The following SYCE1L variants were observed in gnomAD, a reference collection of about 807,000 sequenced individuals.
SYCE1L encodes the protein synaptonemal complex central element protein 1-like.
A neutral mutation model predicts 39.6 loss-of-function variants in SYCE1L; 51 were observed. The ratio of observed to expected loss-of-function variants is 1.29; its 90% CI spans 1.03 to 1.63. SYCE1L has a LOEUF of 1.63. Among genes scored for constraint, SYCE1L ranks in the 40% most tolerant of loss-of-function variants. The pLI is 0.00. For synonymous variants in SYCE1L, 147 were observed against 122.4 expected (o/e 1.20, Z -1.33); for missense variants, 426 against 304.9 (o/e 1.40, Z -2.96).
intron 1 of SYCE1L, chr16:77,201,920 G>C (rs2054747653): frequency 6.6e-6 from 1 of 152,168 alleles, no homozygotes; most frequent in Non-Finnish European, 1.5e-5. Context: ...AACAAAAATG[G>C]AGGGGGGTAT....
intron 10 of SYCE1L, 28 bp from the exon 11 acceptor site, chr16:77,212,829 G>C: frequency 6.8e-7 from 1 of 1,460,180 alleles, no homozygotes. Flanking sequence ...TAGGAACCTG[G>C]TCCGCAGCCT....
At chr16:77,208,348 A>G (rs927228782) in intron 3 of SYCE1L, 79 bp downstream of exon 3, 2 of 1,540,516 alleles carry the variant, frequency 1.3e-6, no homozygotes, top group Admixed American at 2.0e-5. Context: ...CTCCTCATCT[A>G]TAAAATCTAG....
chr16:77,205,433 A>AATATATATATATATATATATATAT (rs145238524), intron 1 of SYCE1L, among the ~76,000 whole-genome samples: 2 of 145,262 alleles, frequency 1.4e-5, no homozygotes, highest in Non-Finnish European at 3.0e-5. Flanking sequence ...CATAGAAGTA[A>AATATATATATATATATATATATAT]ATATATATAT....
chr16:77,206,524 G>A, intron 2 of SYCE1L, 24 bp downstream of exon 2: 1 of 1,551,306 alleles, frequency 6.4e-7, no homozygotes, highest in Non-Finnish European at 8.7e-7. Context: ...TTGTTTCTGA[G>A]CCTCAGCCTG....
At chr16:77,202,137 G>A (rs891763930) in intron 1 of SYCE1L, 4 of 152,164 alleles carry the variant, frequency 2.6e-5, no homozygotes, top group Admixed American at 1.3e-4. Flanking sequence ...AATGGCACCT[G>A]AGGATCCTAT....
chr16:77,210,136 C>A (rs1342939041), intron 6 of SYCE1L, among the ~76,000 whole-genome samples: 1 of 152,224 alleles, frequency 6.6e-6, no homozygotes, highest in Non-Finnish European at 1.5e-5. Context: ...GTCTATCCAA[C>A]CTGTATCCAT....
chr16:77,202,306 TCTGATATAAGGACAAAATGGGAG>T (rs1567424133), intron 1 of SYCE1L: 1 of 152,158 alleles, frequency 6.6e-6, no homozygotes, highest in Non-Finnish European at 1.5e-5. Context: ...AAATGGGAAA[TCTGATATAAGGACAAAATGGGAG>T]CACTGTGGCC....
At chr16:77,201,606 G>A (rs1211573222) in intron 1 of SYCE1L, 2 of 152,164 alleles carry the variant, frequency 1.3e-5, no homozygotes, top group African/African-American at 4.8e-5. Flanking sequence ...ACCATGCGAT[G>A]TAATCAAAGG....
At chr16:77,207,200 C>T (rs1334992046) in intron 2 of SYCE1L, among the ~76,000 whole-genome samples, 1 of 152,176 alleles carries the variant, frequency 6.6e-6, no homozygotes, top group African/African-American at 2.4e-5. Flanking sequence ...TAATCAGCAC[C>T]GTGGAGAGCA....
chr16:77,210,762 C>T (rs1454982566), intron 6 of SYCE1L, among the ~76,000 whole-genome samples: 1 of 152,062 alleles, frequency 6.6e-6, no homozygotes, highest in East Asian at 1.9e-4. Flanking sequence ...AACAGAGGCC[C>T]ATGAAGGTTC....
At chr16:77,209,657 C>T (rs1209009077) in intron 6 of SYCE1L, among the ~76,000 whole-genome samples, 186 bp downstream of exon 6, 1 of 152,246 alleles carries the variant, frequency 6.6e-6, no homozygotes, top group East Asian at 1.9e-4. Context: ...TTAATTTACT[C>T]ATTTAATTAT....
rs2054805799 is a variant in SYCE1L at position 77,209,120 on chromosome 16, G to A, written c.280G>A (p.Glu94Lys). ...DSLNGEKVHL[E>K]EVLGKKQEAL... Reference sequence around the variant, plus strand: ...AGTGAATGGAGAGAAAGTGCACCTAGAGGAGGTCTTGGGCAAAAAGCAAGG... The same window carrying A: ...AGTGAATGGAGAGAAAGTGCACCTAAAGGAGGTCTTGGGCAAAAAGCAAGG... Residue 94 changes from glutamate to lysine, a missense_variant, in exon 5 of 11, where the codon GAG becomes AAG. By Grantham distance (56) the Glu-to-Lys change is moderately conservative. Coordinates refer to ENST00000378644, the MANE Select transcript of SYCE1L (RefSeq NM_001129979.3). 6.4e-7 allele frequency: 1 copy of A among 1,551,582 alleles called. No individual in the cohort carries two copies. Among genetic ancestry groups the A allele is most frequent in the Admixed American group, 2.0e-5 (1 of 50,970 alleles).
Position 77,212,614 on chromosome 16 carries a change from A to G in SYCE1L, c.622A>G (p.Ser208Gly), listed in dbSNP as rs1342537163. 1.3e-6 allele frequency: 2 copies of G among 1,534,766 alleles called. No homozygotes were observed. Among genetic ancestry groups the G allele is most frequent in the African/African-American group, 1.4e-5 (1 of 72,586 alleles). The change falls in exon 10 of 11, where the codon AGC becomes GGC. Residue 208 changes from serine (S) to glycine (G), a missense_variant. Physicochemically the swap from Ser to Gly is moderately conservative, Grantham distance 56. Transcript: ENST00000378644. ...ELEIFGEQVR[S>G]APEVGAGEGE... ...GGAGATATTCGGGGAGCAGGTCCGGAGCGCCCCCGAGGTCGGGGCCGGCGA... is the reference window on the plus strand; with the variant it reads ...GGAGATATTCGGGGAGCAGGTCCGGGGCGCCCCCGAGGTCGGGGCCGGCGA...
Position 77,213,179 on chromosome 16 carries a change from C to T in SYCE1L, c.*248C>T. The stretch of plus-strand genomic sequence containing the variant: ...GTAAGTGGGTGTCAGTATCCCCCGC[C>T]CCACGGCCTCATCTCGAGTTCCCAA... On this transcript the variant is annotated 3_prime_UTR_variant, in exon 11 of 11. Coordinates refer to ENST00000378644, the MANE Select transcript of SYCE1L (RefSeq NM_001129979.3). 2.5e-6 allele frequency: 1 copy of T among 394,818 alleles called. No individual in the cohort carries two copies. The highest frequency in any genetic ancestry group is 4.5e-6 in the Non-Finnish European group (1 of 223,612). The allele number at this position is 394,818 out of a possible 1,614,324, so 24.5% of individuals were successfully genotyped here.
chr16:77,204,577 A>C (rs1454707208), intron 1 of SYCE1L, among the ~76,000 whole-genome samples: 1 of 152,224 alleles, frequency 6.6e-6, no homozygotes, highest in East Asian at 1.9e-4. Context: ...ACAGCAAAAT[A>C]AGGTAAACAG....
At chr16:77,205,056 A>AAAAAAAAAAAAGAAAAG (rs1471925292) in intron 1 of SYCE1L, among the ~76,000 whole-genome samples, 10 of 140,744 alleles carry the variant, frequency 7.1e-5, no homozygotes, top group Non-Finnish European at 1.1e-4. Context: ...AAAAAAAAAA[A>AAAAAAAAAAAAGAAAAG]AAAAGAAAAG....
Position 77,199,509 on chromosome 16 carries a change from G to A in SYCE1L, c.58G>A (p.Glu20Lys), listed in dbSNP as rs2054706949. ...VEAPEATEEA[E>K]GQAKSLKTED... ...GGCGCCAGAAGCTACTGAGGAGGCT[G>A]AAGGTAGTGAGGGCAAGTGGGCTGC... Residue 20 changes from glutamate (E) to lysine (K), a missense_variant, in exon 1 of 11, where the codon GAA (glutamate) becomes AAA (lysine). Glu to Lys is a moderately conservative substitution (Grantham distance 56, BLOSUM62 1). Transcript: ENST00000378644. 1.3e-6 allele frequency: 2 copies of A among 1,551,408 alleles called. No individual in the cohort carries two copies. Among genetic ancestry groups the A allele is most frequent in the Admixed American group, 3.9e-5 (2 of 50,998 alleles).
At chr16:77,208,321 A>G in intron 3 of SYCE1L, 52 bp downstream of exon 3, 1 of 1,546,826 alleles carries the variant, frequency 6.5e-7, no homozygotes, top group South Asian at 1.2e-5. Flanking sequence ...AAGTGACTGG[A>G]TTTATAATGA....
chr16:77,212,753 G>T (rs1411519277), intron 10 of SYCE1L, 104 bp from the exon 11 acceptor site: 1 of 1,424,186 alleles, frequency 7.0e-7, no homozygotes, highest in East Asian at 2.6e-5. Flanking sequence ...GGGGAGCAGG[G>T]CGGCCCCGGG....
Sources: allele counts gnomAD v4.1 joint callset (sites outside exome capture counted in the v4.1 genomes callset), GRCh38; gene constraint gnomAD v4.1.1; transcripts MANE v1.5; gene names NCBI Gene and HGNC (gene_info 2026-07-23, HGNC 2026-07-21).